CEP63: variants seen among roughly 807,000 people sequenced by gnomAD.
The protein encoded by CEP63 is centrosomal protein of 63 kDa.
Under a neutral mutation model 89.1 loss-of-function variants are expected in CEP63, and 84 were observed. The observed-to-expected ratio is 0.94, with a 90% CI of 0.79 to 1.13. The LOEUF is 1.13. Among genes scored for constraint, CEP63 ranks in the 50% most tolerant of loss-of-function variants. CEP63 has a pLI of 0.00. For synonymous variants in CEP63, 267 were observed against 272.5 expected, an observed-to-expected ratio of 0.98 and a Z score of 0.20; for missense variants, 838 against 813.3, an observed-to-expected ratio of 1.03 and a Z score of -0.37.
the CEP63 span, among the ~76,000 whole-genome samples, chr3:134,636,781 A>G: frequency 1.1e-4 from 17 of 152,252 alleles, no homozygotes; most frequent in Non-Finnish European, 4.4e-5. Context: ...GTTTGGTTTT[A>G]TCAACCCTTT....
the CEP63 span, among the ~76,000 whole-genome samples, chr3:134,765,552 G>A: frequency 1.3e-5 from 2 of 152,350 alleles, no homozygotes; most frequent in African/African-American, 2.4e-5. Context: ...AGACAGAGTA[G>A]GAGAGAACCA....
intron 3 of CEP63, among the ~76,000 whole-genome samples, chr3:134,514,702 A>G (rs1412069212): frequency 2.0e-5 from 3 of 152,230 alleles, no homozygotes; most frequent in African/African-American, 7.2e-5. Context: ...GAATAAAGGT[A>G]AAATAAAGAC....
the CEP63 span, among the ~76,000 whole-genome samples, chr3:134,664,588 A>G: frequency 1.3e-4 from 20 of 152,100 alleles, no homozygotes; most frequent in African/African-American, 4.6e-4. Context: ...GTGGCTCTCT[A>G]TGGCAAGGAT....
At chr3:134,502,115 A>G (rs931089951) in intron 2 of CEP63, among the ~76,000 whole-genome samples, 17 of 152,160 alleles carry the variant, frequency 1.1e-4, no homozygotes, top group African/African-American at 4.1e-4. Flanking sequence ...AATTCTGTTT[A>G]TGTGATGAAT....
the CEP63 span, chr3:134,619,832 C>T: frequency 2.0e-5 from 3 of 153,324 alleles, no homozygotes; most frequent in Admixed American, 6.5e-5. Context: ...AGAGCAGTAA[C>T]GAAGTCCTAT....
chr3:134,620,766 C>T, the CEP63 span: 1 of 1,613,602 alleles, frequency 6.2e-7, no homozygotes, highest in Non-Finnish European at 8.5e-7. Flanking sequence ...ATGGCAGATC[C>T]AGATCCAGAT....
At position 134,494,874 on chromosome 3, in the gene CEP63, C is replaced by T. The variant is rs182435936; in HGVS notation, c.-25-422C>T. On this transcript the variant is annotated intron_variant, in intron 1 of 14. Coordinates refer to ENST00000675561, the MANE Select transcript of CEP63 (RefSeq NM_001353108.3). ...CAAAGAGTTTAATCTCAGTACACTT[C>T]GCATTTTTTATACTATCTCTTTAAT... is the stretch of plus-strand genomic sequence containing the variant. 7.2e-5 allele frequency among the ~76,000 whole-genome samples: 11 copies of T among 152,234 alleles called. No homozygotes were observed. In the East Asian group the frequency reaches 9.7e-4, roughly 13 times the overall value.
At position 134,561,461 on chromosome 3, in the gene CEP63, C is replaced by T. The variant is rs141217824; in HGVS notation, c.2038C>T (p.Arg680Cys). 99 of 1,613,520 alleles carry T rather than the reference C, an allele frequency of 6.1e-5. No individual in the cohort carries two copies. The highest frequency in any genetic ancestry group is 5.6e-4 in the African/African-American group (42 of 74,884). Residue 680 changes from arginine to cysteine, a missense_variant, in exon 15 of 15, where the codon CGC becomes TGC. Transcript: ENST00000675561. ...EELRSHHILE[R>C]LDAHIEELKR... ...ACTGAGGTCTCATCACATTCTAGAG[C>T]GCTTGGATGCCCATATTGAAGAACT...
chr3:134,691,509 T>G, the CEP63 span, among the ~76,000 whole-genome samples: 2 of 150,974 alleles, frequency 1.3e-5, no homozygotes, highest in Non-Finnish European at 2.9e-5. Context: ...TCACAGCTGC[T>G]CAGGAGACTG....
chr3:134,486,208 G>A lies in CEP63; in HGVS notation c.-26+6G>A. 1.0e-6 allele frequency: 1 copy of A among 985,514 alleles called. No individual in the cohort carries two copies. Among genetic ancestry groups the A allele is most frequent in the Non-Finnish European group, 1.2e-6 (1 of 829,974 alleles). The allele number at this position is 985,514 out of a possible 1,614,324, so 61.0% of individuals were successfully genotyped here. On this transcript the variant is annotated splice_donor_region_variant and intron_variant, in intron 1 of 14. Coordinates refer to ENST00000675561, the MANE Select transcript of CEP63 (RefSeq NM_001353108.3). ...GTGCGCAGCGCCGGCCCGAGGTAACGGCGGGAAGGCTCAGGGGCGTGCTTG... is the reference window on the plus strand; with the variant it reads ...GTGCGCAGCGCCGGCCCGAGGTAACAGCGGGAAGGCTCAGGGGCGTGCTTG...
At chr3:134,755,236 CCCT>C in the CEP63 span, among the ~76,000 whole-genome samples, 2 of 3,018 alleles carry the variant, frequency 6.6e-4, no homozygotes, top group African/African-American at 7.2e-4. Flanking sequence ...GAACCCTGAG[CCCT>C]GAGCCCTGAG....
At chr3:134,685,358 G>A in the CEP63 span, among the ~76,000 whole-genome samples, 4 of 151,944 alleles carry the variant, frequency 2.6e-5, no homozygotes, top group African/African-American at 9.7e-5. Flanking sequence ...TAAGTGCAAC[G>A]TGAACACAAA....
At chr3:134,540,373 G>A (rs1407793974) in intron 6 of CEP63, among the ~76,000 whole-genome samples, 3 of 152,064 alleles carry the variant, frequency 2.0e-5, no homozygotes, top group African/African-American at 7.2e-5. Context: ...TTTGTAAATA[G>A]TGCTTAGATT....
At chr3:134,583,678 C>A (rs1472651893) in intron 10 of CEP63, among the ~76,000 whole-genome samples, 1 of 152,042 alleles carries the variant, frequency 6.6e-6, no homozygotes, top group Non-Finnish European at 1.5e-5. Flanking sequence ...TTTTTGGTTC[C>A]ATATGAACTT....
the CEP63 span, chr3:134,607,541 A>G: frequency 1.0e-6 from 1 of 985,658 alleles, no homozygotes; most frequent in Admixed American, 6.1e-5. Context: ...GGGAGGCTGG[A>G]CTGACCCGAC....
rs567901615 is a variant in CEP63, at chr3:134,551,983, G to A, written c.1438G>A (p.Val480Met). The change falls in exon 12 of 15, where the codon GTG becomes ATG. Residue 480 changes from valine (V) to methionine (M), a missense_variant. Transcript: ENST00000675561. ...KLENRHLSEM[V>M]MKLELGLHEA... ...AGAAAATCGTCATCTTTCTGAAATG[G>A]TGATGAAATTGGAATTGGGTTTACA... The A allele has an allele frequency of 1.1e-4, 184 of 1,605,834 alleles. 1 individual carries two copies. The South Asian group carries it at 1.9e-3, about 17-fold the overall frequency.
chr3:134,488,638 C>T (rs973670233), intron 1 of CEP63, among the ~76,000 whole-genome samples: 2 of 152,022 alleles, frequency 1.3e-5, no homozygotes, highest in Admixed American at 6.5e-5. Context: ...TTTGGCCATT[C>T]CTCCCCCAAA....
downstream of CEP63, among the ~76,000 whole-genome samples, chr3:134,578,969 G>T (rs1449210605): frequency 6.6e-6 from 1 of 152,010 alleles, no homozygotes; most frequent in Non-Finnish European, 1.5e-5. Flanking sequence ...TGTTGGCTAG[G>T]CTGGTCTCGA....
the CEP63 span, among the ~76,000 whole-genome samples, chr3:134,725,333 T>C: frequency 1.3e-5 from 2 of 152,058 alleles, no homozygotes; most frequent in Non-Finnish European, 2.9e-5. Flanking sequence ...CCAAATTGTA[T>C]AGGTTTCAGA....
Sources: allele counts gnomAD v4.1 joint callset (sites outside exome capture counted in the v4.1 genomes callset), GRCh38; gene constraint gnomAD v4.1.1; transcripts MANE v1.5; gene names NCBI Gene and HGNC (gene_info 2026-07-23, HGNC 2026-07-21).